The following CSMD1 variants were observed in gnomAD, a reference collection of about 807,000 sequenced individuals.
The protein encoded by CSMD1 is CUB and Sushi multiple domains 1, also known as CUB and sushi domain-containing protein 1.
Under a neutral mutation model 417.5 loss-of-function variants are expected in CSMD1, and 213 were observed. The ratio of observed to expected loss-of-function variants is 0.51; its 90% confidence interval spans 0.46 to 0.57. CSMD1 has a LOEUF of 0.57. Among genes scored for constraint, CSMD1 ranks in the 20% least tolerant of loss-of-function variants. The pLI is 0.00. For missense variants in CSMD1, 6,923 were observed against 4,529.7 expected, an observed-to-expected ratio of 1.53 and a Z score of -15.17; for synonymous variants, 2,862 against 1,736.8, an observed-to-expected ratio of 1.65 and a Z score of -16.11.
chr8:4,181,482 G>A (rs1196502856), intron 3 of CSMD1, among the ~76,000 whole-genome samples: 1 of 151,760 alleles, frequency 6.6e-6, no homozygotes, highest in Non-Finnish European at 1.5e-5. Flanking sequence ...TAACACTAAC[G>A]ATAACTGATG....
At chr8:4,593,700 C>T (rs764877083) in intron 2 of CSMD1, among the ~76,000 whole-genome samples, 10 of 152,056 alleles carry the variant, frequency 6.6e-5, no homozygotes, top group African/African-American at 2.4e-4. Flanking sequence ...TAATAAGCAC[C>T]AATTGTATAC....
At chr8:3,692,252 G>A (rs915328579) in intron 7 of CSMD1, among the ~76,000 whole-genome samples, 6 of 152,128 alleles carry the variant, frequency 3.9e-5, no homozygotes, top group Non-Finnish European at 5.9e-5. Context: ...CCCCTTAGTC[G>A]CTATCCTGCG....
chr8:4,858,276 A>C (rs868815184), intron 1 of CSMD1, among the ~76,000 whole-genome samples: 2 of 151,324 alleles, frequency 1.3e-5, no homozygotes, highest in Non-Finnish European at 2.9e-5. Flanking sequence ...AAAATAATAA[A>C]AGCTATCTAT....
intron 3 of CSMD1, among the ~76,000 whole-genome samples, chr8:4,216,298 C>G (rs562701267): frequency 1.3e-5 from 2 of 152,220 alleles, no homozygotes; most frequent in African/African-American, 4.8e-5. Context: ...GTTGCCTAGT[C>G]AATTCTATCT....
Position 3,825,175 on chromosome 8 carries a change from G to T in CSMD1, c.819-71133C>A, listed in dbSNP as rs6984269. On this transcript the variant is annotated intron_variant, in intron 5 of 69. Transcript: ENST00000635120. Reference sequence around the variant, plus strand: ...TCTCTTTCCCAGAAGCTGTAGGTGAGGGTTTAGCGTGCTGATTCCCTGAAG... The same window carrying T: ...TCTCTTTCCCAGAAGCTGTAGGTGATGGTTTAGCGTGCTGATTCCCTGAAG... Among the ~76,000 whole-genome samples, 214 of 152,002 alleles carry T rather than the reference G, an allele frequency of 1.4e-3. 2 individuals carry two copies. The highest frequency in any genetic ancestry group is 4.3e-3 in the African/African-American group (180 of 41,440).
At chr8:4,629,885 G>A (rs1258486388) in intron 2 of CSMD1, among the ~76,000 whole-genome samples, 2 of 152,072 alleles carry the variant, frequency 1.3e-5, no homozygotes, top group Non-Finnish European at 2.9e-5. Context: ...GTGTAAATCT[G>A]AATGCTTTTC....
At chr8:3,013,275 T>C (rs1808548079) in intron 52 of CSMD1, among the ~76,000 whole-genome samples, 1 of 152,172 alleles carries the variant, frequency 6.6e-6, no homozygotes, top group South Asian at 2.1e-4. Context: ...ACCCACATGT[T>C]CCTGATTAAG....
At chr8:4,712,457 A>G (rs1482828412) in intron 1 of CSMD1, among the ~76,000 whole-genome samples, 2 of 151,950 alleles carry the variant, frequency 1.3e-5, no homozygotes, top group Admixed American at 6.6e-5. Flanking sequence ...CCTTCTCACA[A>G]TTTTTTTTCC....
At chr8:4,087,244 T>C (rs192388096) in intron 3 of CSMD1, among the ~76,000 whole-genome samples, 29 of 152,290 alleles carry the variant, frequency 1.9e-4, no homozygotes, top group African/African-American at 6.5e-4. Flanking sequence ...AAGTCCACCA[T>C]GGCCATGGTT....
At chr8:4,450,103 C>G (rs1194191541) in intron 2 of CSMD1, among the ~76,000 whole-genome samples, 1 of 152,148 alleles carries the variant, frequency 6.6e-6, no homozygotes, top group African/African-American at 2.4e-5. Context: ...CTCAATTTAT[C>G]CTGTACACCA....
At chr8:4,395,437 C>T (rs1458753135) in intron 3 of CSMD1, among the ~76,000 whole-genome samples, 3 of 152,052 alleles carry the variant, frequency 2.0e-5, no homozygotes, top group East Asian at 1.9e-4. Context: ...ACAAGAAAAG[C>T]AGTCTCTCAT....
At chr8:3,299,505 G>C (rs892439546) in intron 25 of CSMD1, among the ~76,000 whole-genome samples, 22 of 152,138 alleles carry the variant, frequency 1.4e-4, no homozygotes, top group African/African-American at 5.3e-4. Context: ...TGTGATATCA[G>C]ATACAGGCAC....
chr8:3,411,032 G>T (rs1383669255), intron 12 of CSMD1, among the ~76,000 whole-genome samples: 1 of 152,150 alleles, frequency 6.6e-6, no homozygotes, highest in Non-Finnish European at 1.5e-5. Flanking sequence ...AGGGACAAAT[G>T]GGCAGAGGTG....
intron 6 of CSMD1, among the ~76,000 whole-genome samples, chr8:3,729,058 C>T (rs183100584): frequency 5.5e-4 from 84 of 152,254 alleles, no homozygotes; most frequent in African/African-American, 1.1e-3. Context: ...AAAGTCTGGC[C>T]GTAATTCTCC....
intron 23 of CSMD1, among the ~76,000 whole-genome samples, chr8:3,319,969 T>C (rs912367418): frequency 6.6e-6 from 1 of 152,168 alleles, no homozygotes; most frequent in Non-Finnish European, 1.5e-5. Context: ...ACCTTAGACT[T>C]AAGTCTCTAC....
At chr8:4,236,999 G>C (rs534544033) in intron 3 of CSMD1, among the ~76,000 whole-genome samples, 3 of 152,128 alleles carry the variant, frequency 2.0e-5, no homozygotes, top group Non-Finnish European at 2.9e-5. Context: ...ACACACACAA[G>C]ATCTTAAATC....
chr8:3,832,104 G>C (rs1410962519), intron 5 of CSMD1, among the ~76,000 whole-genome samples: 3 of 152,098 alleles, frequency 2.0e-5, no homozygotes, highest in Non-Finnish European at 2.9e-5. Context: ...CCTGCCTTAT[G>C]TGCATGTGGG....
chr8:4,049,414 A>G (rs539616686), intron 3 of CSMD1, among the ~76,000 whole-genome samples: 1 of 151,634 alleles, frequency 6.6e-6, no homozygotes, highest in African/African-American at 2.4e-5. Context: ...GCGGAGAAAA[A>G]TTACCCCCAG....
Position 4,168,468 on chromosome 8 carries a change from G to A in CSMD1, c.416-136369C>T, listed in dbSNP as rs76419040. On this transcript the variant is annotated intron_variant, in intron 3 of 69. Coordinates refer to ENST00000635120, the MANE Select transcript of CSMD1 (RefSeq NM_033225.6). ...TGCAATATAACGTATTTTTAGAAAA[G>A]GGATGTGGTAAAAGTAGAAAAAAGG... 7.9e-3 allele frequency among the ~76,000 whole-genome samples: 1,205 copies of A among 151,762 alleles called. 12 individuals carry two copies. Among genetic ancestry groups the A allele is most frequent in the African/African-American group, 0.027 (1,133 of 41,348 alleles).
Sources: allele counts gnomAD v4.1 joint callset (sites outside exome capture counted in the v4.1 genomes callset), GRCh38; gene constraint gnomAD v4.1.1; transcripts MANE v1.5; gene names NCBI Gene and HGNC (gene_info 2026-07-23, HGNC 2026-07-21).